Variants in VIPAS39 observed in about 807,000 individuals in gnomAD.
VIPAS39 encodes spermatogenesis-defective protein 39 homolog.
Under a neutral mutation model 84.7 loss-of-function variants are expected in VIPAS39, and 63 were observed. The observed-to-expected ratio is 0.74, with a 90% CI of 0.61 to 0.92. The LOEUF is 0.92. Ranked by LOEUF, VIPAS39 falls within the 40% of genes least tolerant of loss-of-function variation. The pLI is 0.00. For synonymous variants in VIPAS39, 192 were observed against 216.5 expected, an observed-to-expected ratio of 0.89 and a Z score of 0.99; for missense variants, 499 against 604.5, an observed-to-expected ratio of 0.83 and a Z score of 1.83.
intron 6 of VIPAS39, 124 bp downstream of exon 6, chr14:77,449,169 T>C: frequency 8.9e-7 from 1 of 1,128,600 alleles, no homozygotes; most frequent in Non-Finnish European, 1.3e-6. Context: ...AACCCAGTTT[T>C]CTAATCTATA....
chr14:77,445,087 T>A (rs963213603), intron 7 of VIPAS39, among the ~76,000 whole-genome samples: 1 of 151,542 alleles, frequency 6.6e-6, no homozygotes, highest in African/African-American at 2.4e-5. Flanking sequence ...GCCTCCCGAG[T>A]AGCTGGGACT....
intron 1 of VIPAS39, among the ~76,000 whole-genome samples, chr14:77,456,284 T>G (rs577142862): frequency 6.6e-5 from 10 of 152,324 alleles, no homozygotes; most frequent in Middle Eastern, 3.4e-3. Context: ...GTAACTTTTA[T>G]TATTAATACA....
intron 7 of VIPAS39, among the ~76,000 whole-genome samples, chr14:77,446,843 G>A (rs1367498364): frequency 6.6e-6 from 1 of 151,940 alleles, no homozygotes; most frequent in Non-Finnish European, 1.5e-5. Context: ...ACAGGGTCTT[G>A]CTCTGTTGCC....
chr14:77,442,265 G>A (rs1250707640), intron 10 of VIPAS39, among the ~76,000 whole-genome samples: 1 of 152,160 alleles, frequency 6.6e-6, no homozygotes, highest in African/African-American at 2.4e-5. Context: ...TTTGATCGAT[G>A]TGAAAAACTC....
intron 5 of VIPAS39, 97 bp from the exon 6 acceptor site, chr14:77,449,454 G>A (rs1209191015): frequency 6.7e-7 from 1 of 1,489,580 alleles, no homozygotes; most frequent in Non-Finnish European, 9.3e-7. Context: ...TTTGACTTGT[G>A]GGCTCCCAAT....
At chr14:77,443,053 T>C (rs1285958761) in intron 9 of VIPAS39, 66 bp downstream of exon 9, 1 of 1,599,964 alleles carries the variant, frequency 6.3e-7, no homozygotes, top group Middle Eastern at 1.7e-4. Flanking sequence ...GAAAGGCACA[T>C]GGCATTCTCC....
intron 17 of VIPAS39, 91 bp from the exon 18 acceptor site, chr14:77,429,186 A>G (rs1296621923): frequency 8.8e-7 from 1 of 1,139,400 alleles, no homozygotes; most frequent in African/African-American, 1.5e-5. Context: ...AAGAAGGCAA[A>G]AGAGTTCAAT....
intron 14 of VIPAS39, among the ~76,000 whole-genome samples, chr14:77,434,720 G>T (rs1346044924): frequency 6.6e-6 from 1 of 151,102 alleles, no homozygotes; most frequent in Non-Finnish European, 1.5e-5. Flanking sequence ...GTGAAACCCT[G>T]TCTCTACTAA....
chr14:77,436,051 GCGT>G, intron 12 of VIPAS39, 132 bp from the exon 13 acceptor site: 1 of 876,428 alleles, frequency 1.1e-6, no homozygotes, highest in Non-Finnish European at 1.9e-6. Flanking sequence ...CACCTTTAGA[GCGT>G]CCCTTAAAGA....
chr14:77,437,766 T>A, intron 12 of VIPAS39, 42 bp downstream of exon 12: 1 of 1,588,328 alleles, frequency 6.3e-7, no homozygotes, highest in South Asian at 1.1e-5. Flanking sequence ...TCCTTCTGGG[T>A]AAAGGTATTT....
At chr14:77,431,115 A>G (rs2078515807) in intron 16 of VIPAS39, among the ~76,000 whole-genome samples, 1 of 152,232 alleles carries the variant, frequency 6.6e-6, no homozygotes, top group Non-Finnish European at 1.5e-5. Context: ...AAGCTCCTTG[A>G]CATTGGCCTT....
At chr14:77,449,411 T>C in intron 5 of VIPAS39, 54 bp from the exon 6 acceptor site, 2 of 1,601,092 alleles carry the variant, frequency 1.2e-6, no homozygotes, top group Non-Finnish European at 1.7e-6. Flanking sequence ...CTGCTTGTCA[T>C]TCCTTCCCTC....
chr14:77,430,723 GAAA>G (rs11302153), intron 16 of VIPAS39, among the ~76,000 whole-genome samples: 5 of 123,118 alleles, frequency 4.1e-5, no homozygotes, highest in South Asian at 5.0e-4. Context: ...TCTCAAAAAA[GAAA>G]AAAAAAAAAA....
chr14:77,445,084 G>A (rs1300052928), intron 7 of VIPAS39, among the ~76,000 whole-genome samples: 5 of 151,036 alleles, frequency 3.3e-5, no homozygotes, highest in Non-Finnish European at 5.9e-5. Flanking sequence ...TCAGCCTCCC[G>A]AGTAGCTGGG....
intron 8 of VIPAS39, among the ~76,000 whole-genome samples, chr14:77,443,703 C>T (rs1324769144): frequency 6.6e-6 from 1 of 151,832 alleles, no homozygotes; most frequent in African/African-American, 2.4e-5. Flanking sequence ...GAGACCAGCC[C>T]AGCCAATGTA....
At chr14:77,456,348 A>C (rs1037550164) in intron 1 of VIPAS39, among the ~76,000 whole-genome samples, 3 of 152,210 alleles carry the variant, frequency 2.0e-5, no homozygotes, top group Non-Finnish European at 4.4e-5. Flanking sequence ...TAGCAATCCT[A>C]AAGATTAAAA....
At chr14:77,447,944 G>A (rs1021534660) in intron 7 of VIPAS39, among the ~76,000 whole-genome samples, 5 of 150,760 alleles carry the variant, frequency 3.3e-5, no homozygotes, top group African/African-American at 9.8e-5. Flanking sequence ...TTACAGGCGT[G>A]AGCCACCATG....
chr14:77,428,040 A>C (rs2078458475), intron 19 of VIPAS39, among the ~76,000 whole-genome samples: 1 of 152,184 alleles, frequency 6.6e-6, no homozygotes, highest in Admixed American at 6.5e-5. Context: ...CATCCCCACG[A>C]GACCATACAG....
In VIPAS39 at chr14:77,441,596, C is replaced by T. The variant is rs117936157; in HGVS notation, c.735-503G>A. 8.7e-3 allele frequency among the ~76,000 whole-genome samples: 1,318 copies of T among 152,230 alleles called. 18 individuals carry two copies. Among genetic ancestry groups the T allele is most frequent in the South Asian group, 0.037 (178 of 4,812 alleles). On this transcript the variant is annotated intron_variant, in intron 10 of 19. Transcript: ENST00000557658. ...CATGGAGGTGATGCCTGATAAAGCC[C>T]TGTTGGTTGGGAAAGAGTAAGGGAG...
Sources: allele counts gnomAD v4.1 joint callset (sites outside exome capture counted in the v4.1 genomes callset), GRCh38; gene constraint gnomAD v4.1.1; transcripts MANE v1.5; gene names NCBI Gene and HGNC (gene_info 2026-07-23, HGNC 2026-07-21).